Variants in ARHGAP22 observed in about 807,000 individuals in gnomAD.
ARHGAP22 encodes the protein Rho GTPase activating protein 22.
A neutral mutation model predicts 59.1 loss-of-function variants in ARHGAP22; 48 were observed. That is an observed-to-expected ratio of 0.81 (90% CI 0.64 to 1.03). The LOEUF (loss-of-function observed/expected upper bound fraction) is 1.03, where lower values mean the gene tolerates loss of function less well. ARHGAP22 is among the 50% of genes least tolerant of loss of function. The probability of loss-of-function intolerance (pLI) is 0.00; values close to 1 mark genes in which losing one functional copy is unlikely to be tolerated. For synonymous variants in ARHGAP22, 445 were observed against 416.4 expected (o/e 1.07, Z -0.84); for missense variants, 1,015 against 958.7 (o/e 1.06, Z -0.78).
chr10:48,459,943 G>A (rs1470520021), intron 4 of ARHGAP22, 52 bp from the exon 5 acceptor site: 1 of 1,567,422 alleles, frequency 6.4e-7, no homozygotes. Flanking sequence ...CTCAGTGTTG[G>A]GTGCTCAGGA....
chr10:48,581,889 C>T (rs113951922), intron 2 of ARHGAP22, among the ~76,000 whole-genome samples: 9 of 152,314 alleles, frequency 5.9e-5, no homozygotes, highest in African/African-American at 2.2e-4. Context: ...GTTCCTGTTG[C>T]ACTGAAAGCT....
At chr10:48,624,809 C>G (rs911972562) in intron 1 of ARHGAP22, 1 of 152,228 alleles carries the variant, frequency 6.6e-6, no homozygotes, top group African/African-American at 2.4e-5. Context: ...CCACCACATT[C>G]CAACCCTAAG....
At chr10:48,612,720 T>C (rs1361471506) in intron 1 of ARHGAP22, among the ~76,000 whole-genome samples, 1 of 152,276 alleles carries the variant, frequency 6.6e-6, no homozygotes, top group Non-Finnish European at 1.5e-5. Flanking sequence ...ATTTCCTTTC[T>C]GTGACTCACA....
At chr10:48,457,108 G>A (rs1446331355) in intron 5 of ARHGAP22, among the ~76,000 whole-genome samples, 1 of 152,130 alleles carries the variant, frequency 6.6e-6, no homozygotes, top group Non-Finnish European at 1.5e-5. Flanking sequence ...GGTGGTCAGT[G>A]CAGCCCGCAG....
chr10:48,656,159 C>A (rs1438428492), upstream of ARHGAP22: 1 of 152,174 alleles, frequency 6.6e-6, no homozygotes, highest in Non-Finnish European at 1.5e-5. Flanking sequence ...CTGGCCGTGA[C>A]CCTGTCCCCG....
chr10:48,652,086 A>G, intron 1 of ARHGAP22: 1 of 692,856 alleles, frequency 1.4e-6, no homozygotes, highest in Non-Finnish European at 2.5e-6. Context: ...CATTTCCAGG[A>G]GCTGAAGGAG....
At chr10:48,628,735 A>G (rs1275794631) in intron 1 of ARHGAP22, among the ~76,000 whole-genome samples, 1 of 152,206 alleles carries the variant, frequency 6.6e-6, no homozygotes, top group Non-Finnish European at 1.5e-5. Context: ...ATTTCATCAC[A>G]AAATGGACCT....
intron 3 of ARHGAP22, among the ~76,000 whole-genome samples, chr10:48,501,499 G>A (rs2051519102): frequency 6.6e-6 from 1 of 152,228 alleles, no homozygotes; most frequent in Admixed American, 6.5e-5. Flanking sequence ...TACACCTGAT[G>A]GGGATGGTGA....
chr10:48,533,889 T>C (rs1480744422), intron 3 of ARHGAP22, among the ~76,000 whole-genome samples: 1 of 152,262 alleles, frequency 6.6e-6, no homozygotes, highest in Non-Finnish European at 1.5e-5. Flanking sequence ...ATGGGAATTC[T>C]CTCCAAGATG....
At chr10:48,480,746 A>G (rs2049219263) in intron 3 of ARHGAP22, among the ~76,000 whole-genome samples, 1 of 152,244 alleles carries the variant, frequency 6.6e-6, no homozygotes, top group Non-Finnish European at 1.5e-5. Flanking sequence ...GGAAGGTACT[A>G]TTTCCAACCA....
chr10:48,500,665 AT>A (rs1473505608), intron 3 of ARHGAP22, among the ~76,000 whole-genome samples: 1 of 152,146 alleles, frequency 6.6e-6, no homozygotes, highest in African/African-American at 2.4e-5. Flanking sequence ...AGGTGGGCGG[AT>A]CACCTGAGGC....
intron 3 of ARHGAP22, among the ~76,000 whole-genome samples, chr10:48,509,575 C>T (rs1218605175): frequency 2.0e-5 from 3 of 152,222 alleles, no homozygotes; most frequent in African/African-American, 4.8e-5. Flanking sequence ...AATGGGGCCT[C>T]ACAGCAGAGG....
At chr10:48,434,675 C>T in the ARHGAP22 span, among the ~76,000 whole-genome samples, 4 of 152,142 alleles carry the variant, frequency 2.6e-5, no homozygotes, top group Admixed American at 2.0e-4. Flanking sequence ...TAGGACTCCA[C>T]GATTCTAGAC....
chr10:48,504,267 C>T (rs1474647940), intron 3 of ARHGAP22, among the ~76,000 whole-genome samples: 2 of 152,186 alleles, frequency 1.3e-5, no homozygotes, highest in Non-Finnish European at 2.9e-5. Flanking sequence ...AGGGCTGGAC[C>T]CATGCAGGAA....
chr10:48,625,336 C>G lies in ARHGAP22; in HGVS notation c.52+26898G>C, dbSNP rs146781987. On this transcript the variant is annotated intron_variant, in intron 1 of 9. Coordinates refer to the ARHGAP22 transcript ENST00000435790. ...TATAAGTATCTTAGCTCAAACAGCTCTCAGAGTTAGATGTGATCGTGACCC... is the reference window on the plus strand; with the variant it reads ...TATAAGTATCTTAGCTCAAACAGCTGTCAGAGTTAGATGTGATCGTGACCC... Among the ~76,000 whole-genome samples the G allele has an allele frequency of 1.1e-4, 16 of 152,216 alleles. No individual in the cohort carries two copies. In the East Asian group the frequency reaches 3.1e-3, roughly 29 times the overall value.
chr10:48,544,628 A>T (rs2056267414), intron 3 of ARHGAP22, among the ~76,000 whole-genome samples: 1 of 152,222 alleles, frequency 6.6e-6, no homozygotes, highest in Admixed American at 6.5e-5. Flanking sequence ...ACATTTAAGT[A>T]TGTTTGGAAT....
chr10:48,458,139 G>A (rs1382038430), intron 5 of ARHGAP22, among the ~76,000 whole-genome samples: 1 of 152,130 alleles, frequency 6.6e-6, no homozygotes, highest in Non-Finnish European at 1.5e-5. Flanking sequence ...GCAGTATGGG[G>A]GTCACTGCTG....
intron 3 of ARHGAP22, among the ~76,000 whole-genome samples, chr10:48,502,113 C>T (rs1028045656): frequency 1.3e-5 from 2 of 152,096 alleles, no homozygotes; most frequent in African/African-American, 4.8e-5. Flanking sequence ...AGGAAAATGC[C>T]CCAAATGTCC....
intron 2 of ARHGAP22, among the ~76,000 whole-genome samples, chr10:48,558,346 T>TTTTGTTTTTTCG (rs59398775): frequency 8.7e-6 from 1 of 114,514 alleles, no homozygotes; most frequent in Non-Finnish European, 2.0e-5. Context: ...TAATGTTTTT[T>TTTTGTTTTTTCG]TTTTGTTTTT....
Sources: allele counts gnomAD v4.1 joint callset (sites outside exome capture counted in the v4.1 genomes callset), GRCh38; gene constraint gnomAD v4.1.1; transcripts MANE v1.5; gene names NCBI Gene and HGNC (gene_info 2026-07-23, HGNC 2026-07-21).